ACSL5: variants seen among roughly 807,000 people sequenced by gnomAD.
ACSL5 encodes acyl-CoA synthetase long chain family member 5.
A neutral mutation model predicts 84.9 loss-of-function variants in ACSL5; 50 were observed. The observed-to-expected ratio is 0.59, with a 90% CI of 0.47 to 0.75. The LOEUF is 0.75. ACSL5 is among the 30% of genes least tolerant of loss of function. The pLI, the probability that ACSL5 is intolerant of heterozygous loss-of-function variation, is 0.00. For missense variants in ACSL5, 775 were observed against 830.4 expected, an observed-to-expected ratio of 0.93 and a Z score of 0.82; for synonymous variants, 280 against 300.7, an observed-to-expected ratio of 0.93 and a Z score of 0.71.
intron 17 of ACSL5, among the ~76,000 whole-genome samples, chr10:112,422,851 C>CA (rs527977518): frequency 0.019 from 1,076 of 56,544 alleles, 12 homozygotes; most frequent in African/African-American, 0.034. Flanking sequence ...GACTCTGTCT[C>CA]AAAAAAAAAA....
At chr10:112,410,704 TG>T (rs1564739668) in intron 9 of ACSL5, 69 bp downstream of exon 9, 1 of 1,499,820 alleles carries the variant, frequency 6.7e-7, no homozygotes, top group African/African-American at 1.4e-5. Flanking sequence ...TCTTGGCCAC[TG>T]GTAGGCTGGT....
chr10:112,413,551 C>T (rs904887297), intron 12 of ACSL5, among the ~76,000 whole-genome samples: 1 of 152,170 alleles, frequency 6.6e-6, no homozygotes, highest in East Asian at 1.9e-4. Flanking sequence ...CATGGTGAAA[C>T]CCTGTATCTA....
At position 112,427,399 on chromosome 10, in the gene ACSL5, TTG is replaced by T. The variant is rs761801051; in HGVS notation, c.*44_*45del. ...TACCTGCCGGCCCACTGTGCACTGC[TTG>T]TGAGAAAATGGATTAAAAACTATTC... On this transcript the variant is annotated 3_prime_UTR_variant, in exon 21 of 21. Coordinates refer to ENST00000354655, the MANE Select transcript of ACSL5 (RefSeq NM_203379.2). 6.6e-7 allele frequency: 1 copy of T among 1,525,854 alleles called. No homozygotes were observed. Among genetic ancestry groups the T allele is most frequent in the South Asian group, 1.3e-5 (1 of 78,050 alleles). 94.5% of individuals were successfully genotyped at this position (1,525,854 alleles called of 1,614,324 possible).
At chr10:112,422,537 T>G in intron 17 of ACSL5, 96 bp downstream of exon 17, 1 of 1,182,314 alleles carries the variant, frequency 8.5e-7, no homozygotes, top group Admixed American at 1.9e-5. Flanking sequence ...AGTAGGTTAA[T>G]CAGCTGAGGC....
chr10:112,421,785 CAA>C, intron 15 of ACSL5, 120 bp downstream of exon 15: 1 of 1,338,480 alleles, frequency 7.5e-7, no homozygotes, highest in South Asian at 1.2e-5. Context: ...ATGCAAAATT[CAA>C]GTTTTGGGTC....
chr10:112,401,831 TCTTTCTTTCTTCCTTCCTTCCTTC>T (rs1843911425), intron 3 of ACSL5, among the ~76,000 whole-genome samples: 1 of 118,554 alleles, frequency 8.4e-6, no homozygotes, highest in Non-Finnish European at 1.8e-5. Context: ...TTTCTTTCTT[TCTTTCTTTCTTCCTTCCTTCCTTC>T]CTTTCTTTCT....
chr10:112,409,545 G>C lies in ACSL5; in HGVS notation c.571G>C (p.Ala191Pro), dbSNP rs781494987. 6.2e-7 allele frequency: 1 copy of C among 1,613,858 alleles called. No homozygotes were observed. Among genetic ancestry groups the C allele is most frequent in the Admixed American group, 1.7e-5 (1 of 60,018 alleles). Residue 191 changes from alanine (A) to proline (P), a missense_variant, in exon 7 of 21, where the codon GCA becomes CCA. Ala to Pro is a conservative substitution (Grantham distance 27). Transcript: ENST00000354655. ...GGTGATCTGTGACACACCCCAAAAGGCATTGGTGCTGATAGGGAATGTAGA... is the reference window on the plus strand; with the variant it reads ...GGTGATCTGTGACACACCCCAAAAGCCATTGGTGCTGATAGGGAATGTAGA... ...AMVICDTPQK[A>P]LVLIGNVEKG... is the part of the protein sequence containing the mutation.
At chr10:112,413,371 C>G (rs1157761253) in intron 12 of ACSL5, 64 bp downstream of exon 12, 25 of 1,575,896 alleles carry the variant, frequency 1.6e-5, no homozygotes, top group Non-Finnish European at 1.9e-5. Flanking sequence ...CTCTGTACTA[C>G]TATGAGATTT....
intron 13 of ACSL5, 42 bp from the exon 14 acceptor site, chr10:112,417,804 A>G (rs755026225): frequency 6.4e-7 from 1 of 1,561,094 alleles, no homozygotes; most frequent in South Asian, 1.1e-5. Flanking sequence ...AATTGAAGCC[A>G]AGAGAATAGG....
intron 3 of ACSL5, among the ~76,000 whole-genome samples, chr10:112,400,655 C>T (rs1843863074): frequency 6.6e-6 from 1 of 152,078 alleles, no homozygotes; most frequent in Non-Finnish European, 1.5e-5. Context: ...GATCCACCCA[C>T]CTTGACCTCC....
At chr10:112,411,210 C>T (rs1173575494) in intron 9 of ACSL5, among the ~76,000 whole-genome samples, 2 of 152,158 alleles carry the variant, frequency 1.3e-5, no homozygotes, top group Admixed American at 6.5e-5. Context: ...TGCAGCTGTG[C>T]TTCTATCTGA....
At chr10:112,419,744 A>G (rs1048776831) in intron 14 of ACSL5, 3 of 152,226 alleles carry the variant, frequency 2.0e-5, no homozygotes, top group African/African-American at 7.2e-5. Flanking sequence ...ATTGCCATAT[A>G]AAAATTTCCA....
chr10:112,380,115 G>T (rs1379463533), intron 1 of ACSL5, among the ~76,000 whole-genome samples: 2 of 152,172 alleles, frequency 1.3e-5, no homozygotes, highest in African/African-American at 4.8e-5. Context: ...GACACAAGTT[G>T]TCCCGGGGTC....
chr10:112,393,391 A>G (rs1447696083), intron 1 of ACSL5, among the ~76,000 whole-genome samples: 2 of 152,218 alleles, frequency 1.3e-5, no homozygotes, highest in Non-Finnish European at 2.9e-5. Context: ...TCAGGTAATA[A>G]CTAATCGAGA....
chr10:112,378,129 GGA>G (rs1281969668), intron 1 of ACSL5, among the ~76,000 whole-genome samples: 3 of 151,536 alleles, frequency 2.0e-5, no homozygotes, highest in Non-Finnish European at 4.4e-5. Context: ...GATGGAGGAA[GGA>G]GAGAGAAATG....
At chr10:112,411,036 A>C (rs1369925453) in intron 9 of ACSL5, among the ~76,000 whole-genome samples, 1 of 152,110 alleles carries the variant, frequency 6.6e-6, no homozygotes, top group African/African-American at 2.4e-5. Context: ...AATAGTTTTT[A>C]ATGTGGTCCA....
rs2133708530 is a variant in ACSL5 at position 112,428,375 on chromosome 10, T to A, written c.*1017T>A. On this transcript the variant is annotated 3_prime_UTR_variant, in exon 21 of 21. Transcript: ENST00000354655. ...AGTCTTTAAAATAAACTATTACAGA[T>A]ACTTACGTTGTGGTGTTTCTTTCCT... is the stretch of plus-strand genomic sequence containing the variant. 2.5e-6 allele frequency: 1 copy of A among 398,614 alleles called. No homozygotes were observed. Among genetic ancestry groups the A allele is most frequent in the South Asian group, 1.3e-4 (1 of 7,858 alleles). The allele number at this position is 398,614 out of a possible 1,614,324, so 24.7% of individuals were successfully genotyped here. A position where few individuals can be genotyped will look rare whatever the true frequency, so the allele number is the denominator to read the frequency against.
At chr10:112,421,445 G>A in intron 14 of ACSL5, 148 bp from the exon 15 acceptor site, 3 of 665,208 alleles carry the variant, frequency 4.5e-6, no homozygotes, top group South Asian at 1.8e-5. Context: ...ACAGGCATGA[G>A]CCACCGCCCC....
chr10:112,376,510 C>G, intron 1 of ACSL5: 1 of 1,601,124 alleles, frequency 6.2e-7, no homozygotes, highest in South Asian at 1.1e-5. Flanking sequence ...GTGACAGAGG[C>G]CAAGGGGGCA....
Sources: gnomAD v4.1 joint callset for allele counts (sites outside exome capture counted in the v4.1 genomes callset) on GRCh38, gnomAD v4.1.1 for gene constraint, MANE v1.5 for transcripts, NCBI Gene and HGNC (gene_info 2026-07-23, HGNC 2026-07-21) for gene names.